Variants in MROH2A observed in about 807,000 individuals in gnomAD.
The protein encoded by MROH2A is maestro heat like repeat family member 2A.
MROH2A carries 174 observed loss-of-function variants against 200.4 expected under a neutral mutation model. That is an observed-to-expected ratio of 0.87 (90% CI 0.77 to 0.98). The LOEUF (loss-of-function observed/expected upper bound fraction) is 0.98. MROH2A is among the 50% of genes least tolerant of loss of function. MROH2A has a pLI of 0.00. For synonymous variants in MROH2A, 829 were observed against 840.4 expected (o/e 0.99, Z 0.23); for missense variants, 2,045 against 2,139.6 (o/e 0.96, Z 0.87).
At chr2:233,806,361 A>G (rs182030252) in intron 19 of MROH2A, among the ~76,000 whole-genome samples, 142 of 152,294 alleles carry the variant, frequency 9.3e-4, no homozygotes, top group Middle Eastern at 3.4e-3. Flanking sequence ...TCATCTCCAA[A>G]AACAATAATA....
chr2:233,789,731 A>G, intron 4 of MROH2A, 103 bp downstream of exon 4: 1 of 1,449,446 alleles, frequency 6.9e-7, no homozygotes, highest in East Asian at 2.5e-5. Context: ...GTTACCTCTC[A>G]GAGCAGGGGT....
chr2:233,803,530 A>G lies in MROH2A; in HGVS notation c.1749+42A>G, dbSNP rs1259765482. On this transcript the variant is annotated intron_variant, in intron 16 of 41. Coordinates refer to ENST00000389758, the MANE Select transcript of MROH2A (RefSeq NM_001394639.1). ...CACCATGCCCTGGCCTGGCAAGGCC[A>G]TGCCCTGTGGCACCTCTTCTTTAAA... The G allele has an allele frequency of 1.9e-6, 3 of 1,547,548 alleles. No homozygotes were observed. In the African/African-American group the frequency reaches 4.1e-5, roughly 21 times the overall value.
rs940842321 is a variant in MROH2A at position 233,807,323 on chromosome 2, A to G, written c.2053-100A>G. ...TGTGTGCAAGTATCTTCTGCACATT[A>G]AAATAAATTGAAAAATACGTAGAAA... On this transcript the variant is annotated intron_variant, in intron 19 of 41. Coordinates refer to ENST00000389758, the MANE Select transcript of MROH2A (RefSeq NM_001394639.1). This position sits in a 1 kb window ranked among gnomAD's most constrained non-coding sequence, Gnocchi z 4.3. 3.8e-6 allele frequency: 5 copies of G among 1,305,244 alleles called. No homozygotes were observed. The East Asian group carries it at 1.0e-4, about 27-fold the overall frequency. The allele number at this position is 1,305,244 out of a possible 1,614,324, so 80.9% of individuals were successfully genotyped here.
chr2:233,802,933 G>T (rs1559458245), intron 15 of MROH2A, among the ~76,000 whole-genome samples: 1 of 152,184 alleles, frequency 6.6e-6, no homozygotes, highest in East Asian at 1.9e-4. Context: ...TCTTCCTCAT[G>T]CCCCTCTCAC....
intron 41 of MROH2A, 86 bp from the exon 42 acceptor site, chr2:233,833,052 C>T (rs1261447330): frequency 2.8e-6 from 4 of 1,443,706 alleles, no homozygotes; most frequent in Non-Finnish European, 3.7e-6. Context: ...TTCTGCGGCC[C>T]TTGCCTGCCA....
chr2:233,808,513 G>C (rs1277834701), intron 21 of MROH2A, among the ~76,000 whole-genome samples: 1 of 152,086 alleles, frequency 6.6e-6, no homozygotes, highest in Non-Finnish European at 1.5e-5. Flanking sequence ...ACTTGCCCTG[G>C]GGTCTGGTTG....
At chr2:233,798,945 T>C (rs1702285134) in intron 12 of MROH2A, 95 bp downstream of exon 12, 2 of 1,016,024 alleles carry the variant, frequency 2.0e-6, no homozygotes, top group African/African-American at 3.2e-5. Context: ...AGGCTTTTGA[T>C]GGAAAACCCG....
chr2:233,800,342 A>G lies in MROH2A; in HGVS notation c.1560+27A>G, dbSNP rs998865127. 3 of 1,372,534 alleles carry G rather than the reference A, an allele frequency of 2.2e-6. No homozygotes were observed. In the Admixed American group the frequency reaches 6.6e-5, roughly 30 times the overall value. The allele number at this position is 1,372,534 out of a possible 1,614,324, so 85.0% of individuals were successfully genotyped here. On this transcript the variant is annotated intron_variant, in intron 14 of 41. Transcript: ENST00000389758. ...TGAGTGGGCCCTGCCCCACCCGCAC[A>G]GTGGGTCACCACGCCAGGCTGGGGG...
At chr2:233,819,136 C>T (rs556503657) in intron 29 of MROH2A, among the ~76,000 whole-genome samples, 181 bp from the exon 30 acceptor site, 5 of 152,334 alleles carry the variant, frequency 3.3e-5, no homozygotes, top group Non-Finnish European at 7.4e-5. Context: ...GCCACCCAAA[C>T]AGGGGCTGGG....
chr2:233,792,947 A>G, intron 6 of MROH2A, 53 bp downstream of exon 6: 1 of 1,523,070 alleles, frequency 6.6e-7, no homozygotes, highest in Non-Finnish European at 8.9e-7. Flanking sequence ...CGCCGGAGGG[A>G]GACTGCTGGG....
chr2:233,792,680 A>G, intron 5 of MROH2A, 116 bp from the exon 6 acceptor site: 2 of 671,352 alleles, frequency 3.0e-6, no homozygotes, highest in Non-Finnish European at 5.3e-6. Context: ...CAGAGGGCTA[A>G]GCCAGCTCTG....
chr2:233,801,569 C>T (rs533002374), intron 14 of MROH2A, among the ~76,000 whole-genome samples: 22 of 152,292 alleles, frequency 1.4e-4, no homozygotes, highest in African/African-American at 4.8e-4. Flanking sequence ...CTAGCAGGGG[C>T]GGATGCTGCA....
chr2:233,811,862 C>A lies in MROH2A; in HGVS notation c.2572-18C>A. On this transcript the variant is annotated intron_variant, in intron 23 of 41. Transcript: ENST00000389758. ...TCATGGTCACCAAAAGCCACCACCC[C>A]CTGCTTGTGTTGGACAGGCGGTCAT... 6.5e-7 allele frequency: 1 copy of A among 1,543,956 alleles called. No homozygotes were observed.
At chr2:233,804,653 A>G (rs899939330) in intron 18 of MROH2A, 106 bp downstream of exon 18, 9 of 986,106 alleles carry the variant, frequency 9.1e-6, no homozygotes, top group Admixed American at 2.1e-5. Flanking sequence ...AAGCCCCTAA[A>G]GGACATGTTC....
chr2:233,802,192 T>C lies in MROH2A; in HGVS notation c.1585T>C (p.Tyr529His). ...TTEFWVRLLC[Y>H]IMETDYVEAL... is the part of the protein sequence containing the mutation. The stretch of plus-strand genomic sequence containing the variant: ...GGAGTTTTGGGTGAGGCTGCTGTGC[T>C]ACATCATGGAGACAGACTACGTGGA... The change falls in exon 15 of 42, where the codon TAC becomes CAC. Residue 529 changes from tyrosine (Y) to histidine (H), a missense_variant. Tyr to His is a moderately conservative substitution (Grantham distance 83). This residue lies in a region of MROH2A where 831 missense variants were observed against 800.0 expected (regional missense o/e 1.04). Coordinates refer to ENST00000389758, the MANE Select transcript of MROH2A (RefSeq NM_001394639.1). The C allele has an allele frequency of 6.5e-7, 1 of 1,550,244 alleles. No individual in the cohort carries two copies. The highest frequency in any genetic ancestry group is 8.7e-7 in the Non-Finnish European group (1 of 1,146,776).
chr2:233,788,185 TACACAC>T (rs1289698411), intron 3 of MROH2A, among the ~76,000 whole-genome samples: 1 of 123,774 alleles, frequency 8.1e-6, no homozygotes, highest in Admixed American at 1.1e-4. Flanking sequence ...ATTATATATA[TACACAC>T]ACATATACAT....
intron 29 of MROH2A, 104 bp from the exon 30 acceptor site, chr2:233,819,213 A>G: frequency 8.4e-7 from 1 of 1,190,958 alleles, no homozygotes; most frequent in Non-Finnish European, 1.2e-6. Flanking sequence ...CTGAGAGAGG[A>G]TAGGAGCCTG....
rs1376458813 is a variant in MROH2A at position 233,832,273 on chromosome 2, T to C, written c.4831T>C (p.Leu1611=). 3 of 1,550,546 alleles carry C rather than the reference T, an allele frequency of 1.9e-6. No individual in the cohort carries two copies. Among genetic ancestry groups the C allele is most frequent in the East Asian group, 4.9e-5 (2 of 40,938 alleles). The change falls in exon 40 of 42, where the codon TTG becomes CTG. Residue 1611 remains leucine, a synonymous_variant. Transcript: ENST00000389758. ...LSRIRIAACN[L]AGIIMKQMST... is the part of the protein sequence containing the mutation. ...AAGAATCAGAATCGCTGCTTGCAAC[T>C]TGGCAGGTGAGCAGAGAGACGTCTC...
At chr2:233,787,316 A>G (rs1025395267) in intron 3 of MROH2A, among the ~76,000 whole-genome samples, 1 of 151,054 alleles carries the variant, frequency 6.6e-6, no homozygotes, top group South Asian at 2.1e-4. Context: ...TGCATTCTCA[A>G]TGGGGTGATA....
Sources: allele counts gnomAD v4.1 joint callset (sites outside exome capture counted in the v4.1 genomes callset), GRCh38; gene constraint gnomAD v4.1.1; regional missense constraint gnomAD v4.1.1; non-coding constraint Gnocchi (gnomAD v3.1); transcripts MANE v1.5; gene names NCBI Gene and HGNC (gene_info 2026-07-23, HGNC 2026-07-21).